IQCM: variants seen among roughly 807,000 people sequenced by gnomAD.
IQCM encodes IQ motif containing M, also known as IQ domain-containing protein M.
A neutral mutation model predicts 57.6 loss-of-function variants in IQCM; 45 were observed. The ratio of observed to expected loss-of-function variants is 0.78; its 90% confidence interval spans 0.62 to 1.00. The LOEUF (loss-of-function observed/expected upper bound fraction) is 1.00. Ranked by LOEUF, IQCM falls within the 50% of genes least tolerant of loss-of-function variation. The pLI is 0.00. For missense variants in IQCM, 468 were observed against 511.6 expected (o/e 0.91, Z 0.82); for synonymous variants, 148 against 158.9 (o/e 0.93, Z 0.51).
At chr4:149,631,504 T>C (rs1757261708) in intron 7 of IQCM, among the ~76,000 whole-genome samples, 1 of 152,182 alleles carries the variant, frequency 6.6e-6, no homozygotes, top group Non-Finnish European at 1.5e-5. Context: ...CATTGACTTA[T>C]TCCTCAACAA....
At chr4:149,471,115 G>T (rs1009152258) in intron 12 of IQCM, among the ~76,000 whole-genome samples, 1 of 152,056 alleles carries the variant, frequency 6.6e-6, no homozygotes, top group Non-Finnish European at 1.5e-5. Context: ...AAATAACTAA[G>T]ATCAGAGCAG....
At chr4:149,436,384 T>A (rs985030861) in intron 12 of IQCM, among the ~76,000 whole-genome samples, 1 of 152,094 alleles carries the variant, frequency 6.6e-6, no homozygotes, top group Non-Finnish European at 1.5e-5. Context: ...TAGAAACACA[T>A]GAAGTCAATG....
intron 12 of IQCM, among the ~76,000 whole-genome samples, chr4:149,521,304 G>C (rs1301744458): frequency 6.6e-6 from 1 of 152,028 alleles, no homozygotes; most frequent in Non-Finnish European, 1.5e-5. Context: ...AGGAAGGAAG[G>C]GAGGAAGTCA....
chr4:149,695,037 T>C (rs761985197), intron 5 of IQCM, among the ~76,000 whole-genome samples: 3 of 152,246 alleles, frequency 2.0e-5, no homozygotes, highest in Non-Finnish European at 2.9e-5. Context: ...AATGACAGAT[T>C]GCAATTTACT....
chr4:149,425,790 T>A (rs1253643282), intron 13 of IQCM, among the ~76,000 whole-genome samples: 1 of 151,942 alleles, frequency 6.6e-6, no homozygotes, highest in Admixed American at 6.6e-5. Context: ...TATATTAAGA[T>A]ACAAGGAACT....
At chr4:149,626,308 G>T (rs1461477243) in intron 7 of IQCM, among the ~76,000 whole-genome samples, 1 of 150,462 alleles carries the variant, frequency 6.6e-6, no homozygotes, top group East Asian at 2.0e-4. Flanking sequence ...AGCTCGCATT[G>T]GCTCTCCTTG....
chr4:149,603,889 T>C (rs561889810), intron 8 of IQCM, among the ~76,000 whole-genome samples: 2 of 152,264 alleles, frequency 1.3e-5, no homozygotes, highest in East Asian at 3.9e-4. Flanking sequence ...GCTTTTGAAC[T>C]ATGTGTATAT....
chr4:149,814,591 T>G (rs1774883038), intron 2 of IQCM, among the ~76,000 whole-genome samples: 1 of 152,108 alleles, frequency 6.6e-6, no homozygotes, highest in Non-Finnish European at 1.5e-5. Context: ...CAGATTTTTT[T>G]CATAACAAAT....
intron 13 of IQCM, among the ~76,000 whole-genome samples, chr4:149,373,245 A>G (rs1337432212): frequency 6.6e-6 from 1 of 152,164 alleles, no homozygotes; most frequent in Non-Finnish European, 1.5e-5. Context: ...AATTTTACAC[A>G]TGAGGAAACT....
chr4:149,471,377 A>C (rs1739522010), intron 12 of IQCM, among the ~76,000 whole-genome samples: 1 of 152,208 alleles, frequency 6.6e-6, no homozygotes. Context: ...GAAGAAATGG[A>C]TACATTCCAG....
At chr4:149,766,015 C>G (rs1477922114) in intron 2 of IQCM, among the ~76,000 whole-genome samples, 1 of 152,198 alleles carries the variant, frequency 6.6e-6, no homozygotes, top group African/African-American at 2.4e-5. Context: ...AAATCCTAGC[C>G]TCTGAGTTCT....
intron 2 of IQCM, among the ~76,000 whole-genome samples, chr4:149,785,394 T>A (rs975781544): frequency 6.6e-6 from 1 of 152,152 alleles, no homozygotes; most frequent in Admixed American, 6.5e-5. Context: ...AATAAGGAAC[T>A]CAAATAGAAA....
chr4:149,715,379 C>A (rs1764904511), intron 5 of IQCM, among the ~76,000 whole-genome samples: 2 of 152,206 alleles, frequency 1.3e-5, no homozygotes, highest in Admixed American at 6.5e-5. Context: ...GCAGCTATAC[C>A]AGGCATACTG....
chr4:149,632,536 A>G (rs537264787), intron 7 of IQCM, among the ~76,000 whole-genome samples: 1 of 152,294 alleles, frequency 6.6e-6, no homozygotes, highest in East Asian at 1.9e-4. Flanking sequence ...AAGGTCACTA[A>G]TGTAACATTA....
At chr4:149,811,521 T>C (rs1026611682) in intron 2 of IQCM, among the ~76,000 whole-genome samples, 4 of 152,200 alleles carry the variant, frequency 2.6e-5, no homozygotes, top group Non-Finnish European at 4.4e-5. Context: ...AAAGCTTTTA[T>C]GATAGTGAAT....
At chr4:149,464,018 A>T (rs967256738) in intron 12 of IQCM, among the ~76,000 whole-genome samples, 1 of 152,220 alleles carries the variant, frequency 6.6e-6, no homozygotes, top group Non-Finnish European at 1.5e-5. Flanking sequence ...CTCTTCAGAT[A>T]AAAAGTTAGA....
At chr4:149,619,183 C>G (rs1756093533) in intron 8 of IQCM, among the ~76,000 whole-genome samples, 1 of 148,200 alleles carries the variant, frequency 6.7e-6, no homozygotes, top group Admixed American at 6.8e-5. Flanking sequence ...ATGTATTTTG[C>G]AGCAATGTGG....
intron 7 of IQCM, among the ~76,000 whole-genome samples, chr4:149,672,869 G>T (rs1348121648): frequency 6.6e-6 from 1 of 152,132 alleles, no homozygotes; most frequent in African/African-American, 2.4e-5. Context: ...GTTAAGGGCA[G>T]CCAGAGAGAA....
At chr4:149,411,427 A>G (rs1428574577) in intron 13 of IQCM, among the ~76,000 whole-genome samples, 1 of 152,170 alleles carries the variant, frequency 6.6e-6, no homozygotes, top group Non-Finnish European at 1.5e-5. Flanking sequence ...AGTGCTCACT[A>G]TGTGTCAAGT....
Sources: allele counts gnomAD v4.1 joint callset (sites outside exome capture counted in the v4.1 genomes callset), GRCh38; gene constraint gnomAD v4.1.1; transcripts MANE v1.5; gene names NCBI Gene and HGNC (gene_info 2026-07-23, HGNC 2026-07-21).